The following MAF variants were observed in gnomAD, a reference collection of about 807,000 sequenced individuals.
MAF encodes the protein transcription factor Maf.
MAF carries 10 observed loss-of-function variants against 22.0 expected under a neutral mutation model. The ratio of observed to expected loss-of-function variants is 0.45; its 90% CI spans 0.28 to 0.77. The LOEUF (loss-of-function observed/expected upper bound fraction) is 0.77, where lower values mean the gene tolerates loss of function less well. MAF is among the 30% of genes least tolerant of loss of function. The probability of loss-of-function intolerance (pLI) is 0.12; values close to 1 mark genes in which losing one functional copy is unlikely to be tolerated. For synonymous variants in MAF, 337 were observed against 255.8 expected, an observed-to-expected ratio of 1.32 and a Z score of -3.03; for missense variants, 544 against 548.4, an observed-to-expected ratio of 0.99 and a Z score of 0.08.
chr16:79,499,059 A>G, the MAF span, among the ~76,000 whole-genome samples: 2 of 152,200 alleles, frequency 1.3e-5, no homozygotes, highest in East Asian at 3.9e-4. Flanking sequence ...CAGACATTTC[A>G]GGAGGATTAT....
At chr16:79,310,888 T>A in the MAF span, among the ~76,000 whole-genome samples, 10 of 152,360 alleles carry the variant, frequency 6.6e-5, no homozygotes, top group South Asian at 4.1e-4. Context: ...GGTACCAAGT[T>A]GCTCTTGGCA....
the MAF span, among the ~76,000 whole-genome samples, chr16:79,577,095 A>G: frequency 2.6e-5 from 4 of 152,138 alleles, no homozygotes; most frequent in Non-Finnish European, 4.4e-5. Flanking sequence ...TTTTCAGTAG[A>G]AAAAAAGCCA....
chr16:79,398,586 T>A, the MAF span, among the ~76,000 whole-genome samples: 1 of 152,112 alleles, frequency 6.6e-6, no homozygotes, highest in Non-Finnish European at 1.5e-5. Context: ...TCTGATGGTA[T>A]CAACATCACA....
the MAF span, among the ~76,000 whole-genome samples, chr16:79,315,400 T>C: frequency 0.011 from 1,678 of 152,316 alleles, 31 homozygotes; most frequent in African/African-American, 0.038. Flanking sequence ...CTAACATCTA[T>C]TGATTATACA....
At chr16:79,490,985 G>C in the MAF span, among the ~76,000 whole-genome samples, 1 of 152,150 alleles carries the variant, frequency 6.6e-6, no homozygotes, top group Non-Finnish European at 1.5e-5. Flanking sequence ...ACAAACACAA[G>C]CTAGGGAAAT....
the MAF span, among the ~76,000 whole-genome samples, chr16:79,349,090 G>A: frequency 2.0e-5 from 3 of 152,346 alleles, no homozygotes; most frequent in South Asian, 6.2e-4. Context: ...CTATGCAACA[G>A]GTGTTTGCTA....
the MAF span, among the ~76,000 whole-genome samples, chr16:79,241,587 G>A: frequency 6.6e-5 from 10 of 152,110 alleles, no homozygotes; most frequent in South Asian, 4.2e-4. Context: ...TGAAAGTGAC[G>A]GGGAGAATGG....
the MAF span, among the ~76,000 whole-genome samples, chr16:79,487,324 A>C: frequency 5.1e-3 from 778 of 152,278 alleles, 21 homozygotes; most frequent in South Asian, 0.078. Context: ...CATCGACGGA[A>C]AGCAGCCTGA....
At chr16:79,222,373 C>T in the MAF span, among the ~76,000 whole-genome samples, 1 of 152,244 alleles carries the variant, frequency 6.6e-6, no homozygotes, top group African/African-American at 2.4e-5. Context: ...ATACCAGCCA[C>T]TGCAAAAAGA....
At chr16:79,436,323 T>G in the MAF span, among the ~76,000 whole-genome samples, 1 of 152,364 alleles carries the variant, frequency 6.6e-6, no homozygotes, top group East Asian at 1.9e-4. Flanking sequence ...CCTCAGGTGA[T>G]CTGCCCGCTT....
chr16:79,595,950 T>C (rs1239769892), intron 1 of MAF: 1 of 1,060,100 alleles, frequency 9.4e-7, no homozygotes, highest in Non-Finnish European at 1.1e-6. Context: ...AACAAACAAC[T>C]ATGATTTGTC....
At chr16:79,362,825 T>G in the MAF span, among the ~76,000 whole-genome samples, 7 of 152,376 alleles carry the variant, frequency 4.6e-5, no homozygotes, top group African/African-American at 1.7e-4. Flanking sequence ...TCAAAGCAAG[T>G]GCTTTGCTCT....
At chr16:79,525,401 G>A in the MAF span, among the ~76,000 whole-genome samples, 1 of 152,260 alleles carries the variant, frequency 6.6e-6, no homozygotes, top group South Asian at 2.1e-4. Flanking sequence ...GGACAGAGTG[G>A]TCTTGTTTCT....
chr16:79,452,022 C>T, the MAF span, among the ~76,000 whole-genome samples: 3 of 152,218 alleles, frequency 2.0e-5, no homozygotes, highest in South Asian at 2.1e-4. Context: ...TCCCATCCCT[C>T]GCCTATTTCT....
the MAF span, among the ~76,000 whole-genome samples, chr16:79,344,617 T>A: frequency 1.3e-5 from 2 of 152,204 alleles, no homozygotes; most frequent in Admixed American, 6.5e-5. Flanking sequence ...ACTGTCTATA[T>A]AATAAGTATC....
chr16:79,545,745 G>GGGATGGGGAGTGGGGGAGAT, the MAF span, among the ~76,000 whole-genome samples: 1 of 152,054 alleles, frequency 6.6e-6, no homozygotes, highest in African/African-American at 2.4e-5. Context: ...CAGAAGCCAG[G>GGGATGGGGAGTGGGGGAGAT]GGATGGGGAG....
At chr16:79,208,155 C>T in the MAF span, among the ~76,000 whole-genome samples, 176 of 152,318 alleles carry the variant, frequency 1.2e-3, 1 homozygote, top group African/African-American at 4.0e-3. Context: ...CATATACTCT[C>T]AAGATTGATT....
the MAF span, among the ~76,000 whole-genome samples, chr16:79,267,389 G>T: frequency 9.9e-5 from 15 of 152,196 alleles, no homozygotes; most frequent in African/African-American, 2.9e-4. Context: ...TACACGAAAA[G>T]TGTGAGCTCT....
the MAF span, among the ~76,000 whole-genome samples, chr16:79,497,114 CTG>C: frequency 6.6e-6 from 1 of 152,304 alleles, no homozygotes; most frequent in African/African-American, 2.4e-5. Flanking sequence ...ATGCCAGTGA[CTG>C]TGTTGAAACA....
Sources: allele counts gnomAD v4.1 joint callset (sites outside exome capture counted in the v4.1 genomes callset), GRCh38; gene constraint gnomAD v4.1.1; transcripts MANE v1.5; gene names NCBI Gene and HGNC (gene_info 2026-07-23, HGNC 2026-07-21).